The following TMCC1 variants were observed in gnomAD, a reference collection of about 807,000 sequenced individuals.
The protein encoded by TMCC1 is transmembrane and coiled-coil domains protein 1.
TMCC1 carries 15 observed loss-of-function variants against 52.4 expected under a neutral mutation model. The observed-to-expected ratio is 0.29, with a 90% CI of 0.19 to 0.44. The LOEUF is 0.44. Ranked by LOEUF, TMCC1 falls within the 20% of genes least tolerant of loss-of-function variation. The pLI is 1.00. For missense variants in TMCC1, 503 were observed against 806.0 expected (o/e 0.62, Z 4.55); for synonymous variants, 279 against 301.9 (o/e 0.92, Z 0.79).
chr3:129,703,975 T>C (rs143244107), intron 4 of TMCC1, among the ~76,000 whole-genome samples: 2 of 152,246 alleles, frequency 1.3e-5, no homozygotes, highest in African/African-American at 4.8e-5. Flanking sequence ...GAGGGGAGAT[T>C]ACTAAAACAT....
Position 129,655,002 on chromosome 3 carries a change from G to A in TMCC1, c.1613C>T (p.Ala538Val). ...QELASMEEKI[A>V]YQSYERARDI... ...CCGGGCCCGTTCATAGGACTGATACGCGATTTTTTCTTCCATGCTTGCCAG... is the reference window on the plus strand; with the variant it reads ...CCGGGCCCGTTCATAGGACTGATACACGATTTTTTCTTCCATGCTTGCCAG... Residue 538 changes from alanine (A) to valine (V), a missense_variant, in exon 6 of 7, where the codon GCG becomes GTG. Coordinates refer to ENST00000393238, the MANE Select transcript of TMCC1 (RefSeq NM_001017395.5). The A allele has an allele frequency of 1.2e-6, 2 of 1,613,704 alleles. No individual in the cohort carries two copies. Among genetic ancestry groups the A allele is most frequent in the Non-Finnish European group, 8.5e-7 (1 of 1,179,948 alleles).
At chr3:129,852,358 A>G (rs888831088) in intron 2 of TMCC1, among the ~76,000 whole-genome samples, 2 of 151,284 alleles carry the variant, frequency 1.3e-5, no homozygotes, top group Non-Finnish European at 3.0e-5. Context: ...TCAGGAGTCC[A>G]AGGTAGGAGA....
chr3:129,705,881 C>T (rs377717267), intron 4 of TMCC1, among the ~76,000 whole-genome samples: 189 of 119,476 alleles, frequency 1.6e-3, no homozygotes, highest in African/African-American at 4.9e-3. Flanking sequence ...TGTGAGCCAC[C>T]GCGCCCGGCC....
intron 4 of TMCC1, among the ~76,000 whole-genome samples, chr3:129,767,001 C>T (rs1281761149): frequency 6.6e-6 from 1 of 151,790 alleles, no homozygotes; most frequent in Non-Finnish European, 1.5e-5. Flanking sequence ...GTGGCTTATA[C>T]CTGTAATCCC....
At chr3:129,770,386 C>T (rs2054463219) in intron 4 of TMCC1, among the ~76,000 whole-genome samples, 1 of 152,010 alleles carries the variant, frequency 6.6e-6, no homozygotes, top group Non-Finnish European at 1.5e-5. Flanking sequence ...CATGGTGTTG[C>T]ACACCTGTAG....
intron 2 of TMCC1, among the ~76,000 whole-genome samples, chr3:129,840,344 A>AAAG (rs34487217): frequency 6.7e-6 from 1 of 150,350 alleles, no homozygotes; most frequent in Non-Finnish European, 1.5e-5. Context: ...AAAAAAAAAA[A>AAAG]GCAAGATCAA....
chr3:129,870,726 G>C (rs1210103777), intron 2 of TMCC1, among the ~76,000 whole-genome samples: 1 of 19,034 alleles, frequency 5.3e-5, no homozygotes, highest in Non-Finnish European at 1.5e-4. Context: ...GGCGGGGGGG[G>C]GGGGGGGGGG....
chr3:129,793,100 G>A (rs1210416322), intron 4 of TMCC1, among the ~76,000 whole-genome samples: 1 of 151,918 alleles, frequency 6.6e-6, no homozygotes, highest in Non-Finnish European at 1.5e-5. Flanking sequence ...TACAAGCACT[G>A]GAGGACATTG....
At position 129,705,780 on chromosome 3, in the gene TMCC1, G is replaced by C. The variant is rs548842920; in HGVS notation, c.577-34516C>G. 5.9e-5 allele frequency among the ~76,000 whole-genome samples: 9 copies of C among 151,984 alleles called. No individual in the cohort carries two copies. In the South Asian group the frequency reaches 1.7e-3, roughly 28 times the overall value. On this transcript the variant is annotated intron_variant, in intron 4 of 6. Coordinates refer to ENST00000393238, the MANE Select transcript of TMCC1 (RefSeq NM_001017395.5). Reference sequence around the variant, plus strand: ...CCTAATTTTTTGTATTTTTAGTAGAGACGGGGTTTCACCATTTTAGCCAGG... The same window carrying C: ...CCTAATTTTTTGTATTTTTAGTAGACACGGGGTTTCACCATTTTAGCCAGG...
At chr3:129,882,965 A>G (rs1474142900) in intron 1 of TMCC1, among the ~76,000 whole-genome samples, 2 of 152,184 alleles carry the variant, frequency 1.3e-5, no homozygotes, top group Non-Finnish European at 2.9e-5. Context: ...TTATGAATGT[A>G]TTTAACATTA....
At chr3:129,779,580 A>T (rs2055344522) in intron 4 of TMCC1, among the ~76,000 whole-genome samples, 1 of 152,174 alleles carries the variant, frequency 6.6e-6, no homozygotes, top group South Asian at 2.1e-4. Context: ...TGTTTTAAAA[A>T]CATACTGAGA....
chr3:129,875,827 A>C (rs1173076095), intron 2 of TMCC1, among the ~76,000 whole-genome samples: 7 of 152,214 alleles, frequency 4.6e-5, no homozygotes, highest in African/African-American at 1.7e-4. Context: ...TAGACTGGAT[A>C]CTTTTACCAA....
At chr3:129,805,388 C>T (rs545359294) in intron 4 of TMCC1, among the ~76,000 whole-genome samples, 2 of 152,244 alleles carry the variant, frequency 1.3e-5, no homozygotes, top group South Asian at 4.1e-4. Flanking sequence ...TTCTCGAACT[C>T]CTGGGCTCAA....
chr3:129,795,697 A>C (rs2056779275), intron 4 of TMCC1, among the ~76,000 whole-genome samples: 1 of 152,250 alleles, frequency 6.6e-6, no homozygotes, highest in African/African-American at 2.4e-5. Context: ...TAAATGGAAA[A>C]TTCCAGAAAC....
At chr3:129,863,054 G>T (rs2060465890) in intron 2 of TMCC1, among the ~76,000 whole-genome samples, 1 of 152,124 alleles carries the variant, frequency 6.6e-6, no homozygotes, top group South Asian at 2.1e-4. Flanking sequence ...TTCTCCATAT[G>T]AATAATAAAG....
At chr3:129,743,935 T>A (rs1411165122) in intron 4 of TMCC1, among the ~76,000 whole-genome samples, 42 of 141,664 alleles carry the variant, frequency 3.0e-4, no homozygotes, top group African/African-American at 9.8e-4. Context: ...TGCACTTGTT[T>A]AAAAAAAAAA....
intron 4 of TMCC1, among the ~76,000 whole-genome samples, chr3:129,807,967 G>A (rs144534708): frequency 1.6e-3 from 251 of 152,288 alleles, no homozygotes; most frequent in Middle Eastern, 0.01. Flanking sequence ...CACTCTTGGA[G>A]AGTAGTCAAT....
At chr3:129,744,109 G>A (rs1035349963) in intron 4 of TMCC1, among the ~76,000 whole-genome samples, 4 of 152,216 alleles carry the variant, frequency 2.6e-5, no homozygotes, top group Non-Finnish European at 5.9e-5. Context: ...CAAGTTAGAT[G>A]CAAAATAGAT....
chr3:129,869,028 A>G (rs1444638188), intron 2 of TMCC1: 5 of 152,072 alleles, frequency 3.3e-5, no homozygotes, highest in Admixed American at 6.6e-5. Flanking sequence ...TTTGTTATTC[A>G]TAATGTATTC....
Sources: gnomAD v4.1 joint callset for allele counts (sites outside exome capture counted in the v4.1 genomes callset) on GRCh38, gnomAD v4.1.1 for gene constraint, MANE v1.5 for transcripts, NCBI Gene and HGNC (gene_info 2026-07-23, HGNC 2026-07-21) for gene names.